AFF2: variants seen among roughly 807,000 people sequenced by gnomAD.
AFF2 encodes the protein AF4/FMR2 family member 2.
A neutral mutation model predicts 76.9 loss-of-function variants in AFF2; 14 were observed. The observed-to-expected ratio is 0.18, with a 90% CI of 0.12 to 0.28. The LOEUF is 0.28. Ranked by LOEUF, AFF2 falls within the 10% of genes least tolerant of loss-of-function variation. The probability of loss-of-function intolerance (pLI) is 1.00; values close to 1 mark genes in which losing one functional copy is unlikely to be tolerated. For missense variants in AFF2, 868 were observed against 1,001.1 expected (o/e 0.87, Z 1.79); for synonymous variants, 398 against 366.7 (o/e 1.09, Z -0.98).
chrX:148,506,168 A>G (rs2124185145), intron 1 of AFF2, among the ~76,000 whole-genome samples: 1 of 111,610 alleles, frequency 9.0e-6, no homozygotes, highest in African/African-American at 3.3e-5. Context: ...ACAGGTACTC[A>G]CTCAGTGATG....
chrX:148,764,566 CTTTGT>C (rs1351956862), intron 3 of AFF2, among the ~76,000 whole-genome samples: 1 of 112,174 alleles, frequency 8.9e-6, no homozygotes, highest in Non-Finnish European at 1.9e-5. Flanking sequence ...ATTTTGTTGG[CTTTGT>C]TTTATTTCTA....
At chrX:148,575,050 A>T (rs1043155493) in intron 1 of AFF2, among the ~76,000 whole-genome samples, 2 of 109,345 alleles carry the variant, frequency 1.8e-5, no homozygotes, top group African/African-American at 3.3e-5. Context: ...AATGAGAGTC[A>T]CATTTTTTTT....
intron 7 of AFF2, among the ~76,000 whole-genome samples, chrX:148,884,153 A>G (rs2071129565): frequency 8.9e-6 from 1 of 112,473 alleles, no homozygotes; most frequent in African/African-American, 3.2e-5. Flanking sequence ...ACTGCAAAAG[A>G]AATACCAAGA....
intron 9 of AFF2, among the ~76,000 whole-genome samples, chrX:148,912,517 G>A (rs1357900274): frequency 1.8e-5 from 2 of 112,112 alleles, no homozygotes; most frequent in African/African-American, 6.5e-5. Context: ...CAGATACTAT[G>A]CTTATTACCT....
chrX:148,961,483 C>T (rs2072107709), intron 12 of AFF2, among the ~76,000 whole-genome samples: 1 of 112,118 alleles, frequency 8.9e-6, no homozygotes, highest in Non-Finnish European at 1.9e-5. Context: ...GAGGTAATGA[C>T]AGAAACAGTT....
chrX:148,702,938 G>A (rs1260130412), intron 3 of AFF2, among the ~76,000 whole-genome samples: 2 of 111,946 alleles, frequency 1.8e-5, no homozygotes, highest in African/African-American at 6.5e-5. Flanking sequence ...TTGGAAAAGC[G>A]AACAAGTTCA....
At chrX:148,581,249 C>CATATACACGT (rs1557244706) in intron 1 of AFF2, among the ~76,000 whole-genome samples, 62 of 2,754 alleles carry the variant, frequency 0.023, 7 homozygotes, top group Non-Finnish European at 0.034. Flanking sequence ...CGTGTACACA[C>CATATACACGT]ATATACGTAT....
intron 5 of AFF2, among the ~76,000 whole-genome samples, chrX:148,842,514 G>A (rs1485304941): frequency 1.8e-5 from 2 of 112,135 alleles, no homozygotes; most frequent in Non-Finnish European, 3.8e-5. Flanking sequence ...GAAAAACTGG[G>A]CAGATCTATT....
intron 3 of AFF2, among the ~76,000 whole-genome samples, chrX:148,789,585 A>G (rs1043973067): frequency 9.0e-6 from 1 of 111,346 alleles, no homozygotes; most frequent in East Asian, 2.8e-4. Context: ...TTGATTTAAA[A>G]AATGGACCCT....
At chrX:148,553,565 C>T (rs1166026562) in intron 1 of AFF2, among the ~76,000 whole-genome samples, 1 of 111,513 alleles carries the variant, frequency 9.0e-6, no homozygotes, top group Non-Finnish European at 1.9e-5. Flanking sequence ...AGTGCTCAGG[C>T]TGTGAATGAG....
At chrX:148,837,109 G>T in intron 4 of AFF2, among the ~76,000 whole-genome samples, 1 of 111,582 alleles carries the variant, frequency 9.0e-6, no homozygotes, top group Non-Finnish European at 1.9e-5. Context: ...CGTGGAACAG[G>T]ATACCATGAG....
At chrX:148,854,517 T>C (rs1455617870) in intron 7 of AFF2, among the ~76,000 whole-genome samples, 7 of 111,472 alleles carry the variant, frequency 6.3e-5, no homozygotes, top group African/African-American at 2.3e-4. Context: ...AAAACCCCAG[T>C]GGCCCCAGGG....
In AFF2 at chrX:148,607,385, T is replaced by C. The variant is rs185346482; in HGVS notation, c.48-44614T>C. ...TTAATCATAGGGGTGAGTTTTCCAG[T>C]GCTGTTTTCGTGATAGTGAATAAGT... On this transcript the variant is annotated intron_variant, in intron 1 of 20. Coordinates refer to ENST00000370460, the MANE Select transcript of AFF2 (RefSeq NM_002025.4). Among the ~76,000 whole-genome samples the C allele has an allele frequency of 9.4e-3, 1,038 of 110,567 alleles. 7 individuals are homozygous for C. Among genetic ancestry groups the C allele is most frequent in the Non-Finnish European group, 0.013 (684 of 52,761 alleles).
At chrX:148,694,501 A>C (rs2054691620) in intron 3 of AFF2, among the ~76,000 whole-genome samples, 1 of 111,379 alleles carries the variant, frequency 9.0e-6, no homozygotes, top group African/African-American at 3.3e-5. Context: ...GAGGAGGGTC[A>C]AGTGGAGTTC....
At chrX:148,742,981 T>C (rs2055377271) in intron 3 of AFF2, among the ~76,000 whole-genome samples, 1 of 112,144 alleles carries the variant, frequency 8.9e-6, no homozygotes, top group African/African-American at 3.2e-5. Flanking sequence ...TTTTGTGATT[T>C]GCTGCTATTT....
chrX:148,809,995 C>T, intron 4 of AFF2, 75 bp downstream of exon 4: 1 of 1,012,905 alleles, frequency 9.9e-7, no homozygotes, highest in African/African-American at 1.9e-5. Flanking sequence ...AAAGTAATTA[C>T]TGTTCTGTTT....
At chrX:148,948,915 A>G (rs1401745533) in intron 9 of AFF2, among the ~76,000 whole-genome samples, 1 of 111,318 alleles carries the variant, frequency 9.0e-6, no homozygotes, top group Non-Finnish European at 1.9e-5. Context: ...GTTCACTGGC[A>G]TGCAAGGTAG....
chrX:148,581,076 CAT>C (rs1192097616), intron 1 of AFF2, among the ~76,000 whole-genome samples: 3 of 40,433 alleles, frequency 7.4e-5, no homozygotes, highest in Admixed American at 3.7e-4. Context: ...TATATACACA[CAT>C]ATATACATAT....
At chrX:148,746,946 T>C (rs1377020719) in intron 3 of AFF2, among the ~76,000 whole-genome samples, 1 of 112,579 alleles carries the variant, frequency 8.9e-6, no homozygotes, top group Non-Finnish European at 1.9e-5. Context: ...TGTGTAGTCA[T>C]TGACATAGTG....
Sources: allele counts gnomAD v4.1 joint callset (sites outside exome capture counted in the v4.1 genomes callset), GRCh38; gene constraint gnomAD v4.1.1; transcripts MANE v1.5; gene names NCBI Gene and HGNC (gene_info 2026-07-23, HGNC 2026-07-21).